The following NPHP1 variants were observed in gnomAD, a reference collection of about 807,000 sequenced individuals.
The protein encoded by NPHP1 is nephrocystin-1.
NPHP1 carries 70 observed loss-of-function variants against 90.4 expected under a neutral mutation model. The observed-to-expected ratio is 0.77, with a 90% CI of 0.64 to 0.95. The LOEUF is 0.95. NPHP1 is among the 40% of genes least tolerant of loss of function. The pLI is 0.00. For synonymous variants in NPHP1, 256 were observed against 271.7 expected, an observed-to-expected ratio of 0.94 and a Z score of 0.57; for missense variants, 764 against 795.9, an observed-to-expected ratio of 0.96 and a Z score of 0.48.
chr2:110,132,995 C>CA (rs974378906), intron 16 of NPHP1, among the ~76,000 whole-genome samples: 1 of 151,454 alleles, frequency 6.6e-6, no homozygotes, highest in Non-Finnish European at 1.5e-5. Flanking sequence ...AAATTAAGAA[C>CA]AAAAAAAGCT....
chr2:110,152,441 T>C (rs1210965384), intron 11 of NPHP1, among the ~76,000 whole-genome samples: 3 of 151,410 alleles, frequency 2.0e-5, no homozygotes, highest in Non-Finnish European at 4.4e-5. Flanking sequence ...GGACCACAAA[T>C]AGAAGATAGA....
intron 5 of NPHP1, among the ~76,000 whole-genome samples, chr2:110,169,043 AAC>A (rs1029623348): frequency 2.0e-4 from 31 of 152,126 alleles, no homozygotes; most frequent in African/African-American, 7.0e-4. Flanking sequence ...TGTTTTGAAT[AAC>A]ACTCACTCAT....
Position 110,184,543 on chromosome 2 carries a change from G to A in NPHP1, c.144-4859C>T, listed in dbSNP as rs1235317662. On this transcript the variant is annotated intron_variant, in intron 2 of 19. Transcript: ENST00000445609. ...GGGGTGGTGCTGGATTCTGGGGATG[G>A]CATCACCCATGCTGTGCCCATCTAT... is the stretch of plus-strand genomic sequence containing the variant. 12 of 1,288,610 alleles carry A rather than the reference G, an allele frequency of 9.3e-6. No individual in the cohort carries two copies. The East Asian group carries it at 2.6e-4, about 28-fold the overall frequency. 79.8% of individuals were successfully genotyped at this position (1,288,610 alleles called of 1,614,324 possible). A position where few individuals can be genotyped will look rare whatever the true frequency, so the allele number is the denominator to read the frequency against.
chr2:110,138,340 A>G (rs1680368087), intron 16 of NPHP1, among the ~76,000 whole-genome samples: 1 of 152,198 alleles, frequency 6.6e-6, no homozygotes, highest in Non-Finnish European at 1.5e-5. Context: ...TCATGGAATT[A>G]AAGAAGTATC....
At chr2:110,166,066 C>T (rs961905464) in intron 6 of NPHP1, among the ~76,000 whole-genome samples, 1 of 152,014 alleles carries the variant, frequency 6.6e-6, no homozygotes, top group Non-Finnish European at 1.5e-5. Flanking sequence ...TTTTGCTGGT[C>T]ATATTGGCAA....
Position 110,144,669 on chromosome 2 carries a change from A to G in NPHP1, c.1353-100T>C, listed in dbSNP as rs1048296499. Reference sequence around the variant, plus strand: ...TTTTTTAGCACTAATATACTCAGACATTTCATTTATGCCTCGTTGGTAAAT... The same window carrying G: ...TTTTTTAGCACTAATATACTCAGACGTTTCATTTATGCCTCGTTGGTAAAT... On this transcript the variant is annotated intron_variant, in intron 14 of 19. Coordinates refer to ENST00000445609, the MANE Select transcript of NPHP1 (RefSeq NM_001128178.3). 9.4e-6 allele frequency: 7 copies of G among 740,842 alleles called. No homozygotes were observed. The African/African-American group carries it at 1.2e-4, about 13-fold the overall frequency. 45.9% of individuals were successfully genotyped at this position (740,842 alleles called of 1,614,324 possible).
chr2:110,145,492 G>A (rs112870680), intron 14 of NPHP1, among the ~76,000 whole-genome samples: 1 of 152,006 alleles, frequency 6.6e-6, no homozygotes, highest in African/African-American at 2.4e-5. Flanking sequence ...GTCTCACCAT[G>A]TTGCCCAGGC....
chr2:110,188,846 A>G (rs1330898211), intron 2 of NPHP1, among the ~76,000 whole-genome samples: 1 of 151,918 alleles, frequency 6.6e-6, no homozygotes, highest in African/African-American at 2.4e-5. Flanking sequence ...AGACTTGCAC[A>G]CCTACAACCA....
At position 110,201,486 on chromosome 2, in the gene NPHP1, A is replaced by G; in HGVS notation, c.78T>C (p.Ser26=). Residue 26 remains serine, a synonymous_variant, in exon 2 of 20, where the codon AGT becomes AGC. Transcript: ENST00000445609. ...CTTTCAGTTGGCTCTCAGAAAGCAA[A>G]CTATCAACCTATGGAGACCATTTAA... ...RNQELKQQVD[S]LLSESQLKEA... The G allele has an allele frequency of 6.2e-7, 1 of 1,608,176 alleles. No homozygotes were observed. Among genetic ancestry groups the G allele is most frequent in the South Asian group, 1.1e-5 (1 of 90,870 alleles).
chr2:110,172,654 C>T (rs1013309592), intron 4 of NPHP1, among the ~76,000 whole-genome samples: 6 of 151,988 alleles, frequency 3.9e-5, no homozygotes, highest in Non-Finnish European at 8.8e-5. Flanking sequence ...TAGTGGCACA[C>T]GCCTGTAGTC....
intron 9 of NPHP1, among the ~76,000 whole-genome samples, chr2:110,162,292 T>C (rs1184781979): frequency 4.6e-5 from 7 of 152,060 alleles, no homozygotes; most frequent in Non-Finnish European, 4.4e-5. Context: ...AAATAATTAT[T>C]AGGGGACATA....
chr2:110,179,149 GAAA>G (rs5833368), intron 3 of NPHP1, among the ~76,000 whole-genome samples: 1 of 139,858 alleles, frequency 7.2e-6, no homozygotes, highest in African/African-American at 2.6e-5. Flanking sequence ...AGGCTCATGT[GAAA>G]AAAAAAAAAA....
intron 17 of NPHP1, among the ~76,000 whole-genome samples, chr2:110,130,068 A>G (rs1020022866): frequency 6.6e-6 from 1 of 152,140 alleles, no homozygotes; most frequent in African/African-American, 2.4e-5. Flanking sequence ...ACGTGGCTGA[A>G]GGCAAAAGGG....
At chr2:110,184,473 T>G (rs1684140978) in intron 2 of NPHP1, 15 of 801,928 alleles carry the variant, frequency 1.9e-5, no homozygotes, top group Non-Finnish European at 2.5e-5. Context: ...TATTTTCATC[T>G]CCATGTAAGC....
rs138845076 is a variant in NPHP1, at chr2:110,199,175, G to A, written c.143+2246C>T. ...ATGATGGCCAGGCACGGTGGCTCAC[G>A]TAATCCCAGCACTTTGGGAGGCCAT... On this transcript the variant is annotated intron_variant, in intron 2 of 19. Transcript: ENST00000445609. Among the ~76,000 whole-genome samples, 22 of 152,186 alleles carry A rather than the reference G, an allele frequency of 1.4e-4. No homozygotes were observed. In the East Asian group the frequency reaches 2.5e-3, roughly 17 times the overall value.
At chr2:110,163,428 C>T in intron 8 of NPHP1, 1 of 399,210 alleles carries the variant, frequency 2.5e-6, no homozygotes. Flanking sequence ...CTGCTCCACC[C>T]TGCGCTTCCA....
At chr2:110,152,956 T>C (rs1285988933) in intron 11 of NPHP1, among the ~76,000 whole-genome samples, 1 of 151,796 alleles carries the variant, frequency 6.6e-6, no homozygotes, top group Non-Finnish European at 1.5e-5. Flanking sequence ...AACCTATAGA[T>C]TGAAGAAGCT....
intron 16 of NPHP1, among the ~76,000 whole-genome samples, chr2:110,140,127 T>C (rs1680518816): frequency 1.3e-5 from 2 of 151,960 alleles, no homozygotes; most frequent in South Asian, 4.2e-4. Context: ...ACCAGCAGTG[T>C]GTCCCAACTC....
At position 110,181,334 on chromosome 2, in the gene NPHP1, G is replaced by A. The variant is rs118005068; in HGVS notation, c.144-1650C>T. Reference sequence around the variant, plus strand: ...GTCTGTAATCCCATTCCACCTGACTGGGTGAGACCTCCCAAAAGGGGTTTC... The same window carrying A: ...GTCTGTAATCCCATTCCACCTGACTAGGTGAGACCTCCCAAAAGGGGTTTC... On this transcript the variant is annotated intron_variant, in intron 2 of 19. Coordinates refer to ENST00000445609, the MANE Select transcript of NPHP1 (RefSeq NM_001128178.3). Among the ~76,000 whole-genome samples the A allele has an allele frequency of 3.8e-4, 58 of 152,302 alleles. No homozygotes were observed. The East Asian group carries it at 0.011, about 28-fold the overall frequency.
Sources: gnomAD v4.1 joint callset for allele counts (sites outside exome capture counted in the v4.1 genomes callset) on GRCh38, gnomAD v4.1.1 for gene constraint, MANE v1.5 for transcripts, NCBI Gene and HGNC (gene_info 2026-07-23, HGNC 2026-07-21) for gene names.